ALDH9A1: variants seen among roughly 807,000 people sequenced by gnomAD.
ALDH9A1 encodes 4-trimethylaminobutyraldehyde dehydrogenase.
A neutral mutation model predicts 56.6 loss-of-function variants in ALDH9A1; 42 were observed. That is an observed-to-expected ratio of 0.74 (90% CI 0.58 to 0.96). The LOEUF (loss-of-function observed/expected upper bound fraction) is 0.96, where lower values mean the gene tolerates loss of function less well. ALDH9A1 is among the 40% of genes least tolerant of loss of function. The probability of loss-of-function intolerance (pLI) is 0.00; values close to 1 mark genes in which losing one functional copy is unlikely to be tolerated. For synonymous variants in ALDH9A1, 242 were observed against 236.0 expected, an observed-to-expected ratio of 1.03 and a Z score of -0.23; for missense variants, 661 against 651.5, an observed-to-expected ratio of 1.01 and a Z score of -0.16.
intron 6 of ALDH9A1, 152 bp downstream of exon 6, chr1:165,679,290 A>T: frequency 1.3e-6 from 1 of 796,480 alleles, no homozygotes; most frequent in Non-Finnish European, 1.9e-6. Flanking sequence ...ATATTTGAGA[A>T]ATCTGGTTCA....
At chr1:165,664,467 A>T (rs535358591) in intron 10 of ALDH9A1, among the ~76,000 whole-genome samples, 1 of 152,358 alleles carries the variant, frequency 6.6e-6, no homozygotes, top group South Asian at 2.1e-4. Flanking sequence ...AAAATGAATG[A>T]AATGAATGAG....
chr1:165,688,781 G>A (rs1181759766), intron 2 of ALDH9A1, among the ~76,000 whole-genome samples: 1 of 152,200 alleles, frequency 6.6e-6, no homozygotes, highest in African/African-American at 2.4e-5. Flanking sequence ...TAATATGATT[G>A]TAGGTGTGGT....
At chr1:165,663,734 G>A (rs1648914637) in intron 10 of ALDH9A1, among the ~76,000 whole-genome samples, 1 of 152,222 alleles carries the variant, frequency 6.6e-6, no homozygotes, top group Non-Finnish European at 1.5e-5. Flanking sequence ...GGTAGGCTCT[G>A]CCTTCCAAGG....
In ALDH9A1 at chr1:165,664,636, T is replaced by A. The variant is rs1018908565; in HGVS notation, c.1462+382A>T. 3.9e-5 allele frequency among the ~76,000 whole-genome samples: 6 copies of A among 152,330 alleles called. No homozygotes were observed. In the South Asian group the frequency reaches 1.0e-3, roughly 26 times the overall value. On this transcript the variant is annotated intron_variant, in intron 10 of 10. Coordinates refer to ENST00000354775, the MANE Select transcript of ALDH9A1 (RefSeq NM_000696.4). Reference sequence around the variant, plus strand: ...TGAAAGACACTTTACCTAAATGGAATCTAAAAACTCCACAGTGGATGATGA... The same window carrying A: ...TGAAAGACACTTTACCTAAATGGAAACTAAAAACTCCACAGTGGATGATGA...
rs1485837618 is a variant in ALDH9A1, at chr1:165,695,410, G to A, written c.182-13C>T. On this transcript the variant is annotated splice_polypyrimidine_tract_variant and intron_variant, in intron 1 of 10. Transcript: ENST00000354775. ...GCTATCACTCGGCCTATAAAGAGCG[G>A]AAACATCAGTTTTAACTCAAATTGT... 7.6e-6 allele frequency: 12 copies of A among 1,578,442 alleles called. No individual in the cohort carries two copies. The highest frequency in any genetic ancestry group is 1.0e-5 in the Non-Finnish European group (12 of 1,166,174).
intron 6 of ALDH9A1, chr1:165,676,756 G>A (rs566048056): frequency 1.2e-5 from 6 of 501,006 alleles, no homozygotes; most frequent in South Asian, 9.8e-5. Flanking sequence ...TGAGCTGCTG[G>A]AACCTATTCC....
chr1:165,676,792 T>G (rs536807418), intron 6 of ALDH9A1: 93 of 462,544 alleles, frequency 2.0e-4, no homozygotes, highest in South Asian at 1.7e-3. Flanking sequence ...ATGATAGGTA[T>G]AAAAAAATAA....
intron 6 of ALDH9A1, among the ~76,000 whole-genome samples, chr1:165,677,836 C>T (rs12084651): frequency 0.36 from 49,075 of 135,280 alleles, 9,669 homozygotes; most frequent in Middle Eastern, 0.52. Context: ...CCAGCCTGGG[C>T]GACAGAGCAA....
chr1:165,672,373 G>T (rs1193126687), intron 6 of ALDH9A1, among the ~76,000 whole-genome samples: 2 of 152,140 alleles, frequency 1.3e-5, no homozygotes, highest in Non-Finnish European at 2.9e-5. Flanking sequence ...GGATGAACCT[G>T]AAGATATTAT....
At position 165,667,428 on chromosome 1, in the gene ALDH9A1, G is replaced by A; in HGVS notation, c.1230C>T (p.Thr410=). Residue 410 remains threonine, a synonymous_variant, in exon 9 of 11, where the codon ACC becomes ACT. Coordinates refer to ENST00000354775, the MANE Select transcript of ALDH9A1 (RefSeq NM_000696.4). The part of the protein sequence containing the change: ...CVLTNCRDDM[T]CVKEEIFGPV... ...GCCCAAAGATCTCTTCCTTCACACA[G>A]GTCATGTCGTCTCTGCAATTAGCTG... 1 of 1,613,944 alleles carries A rather than the reference G, an allele frequency of 6.2e-7. No individual in the cohort carries two copies. The highest frequency in any genetic ancestry group is 8.5e-7 in the Non-Finnish European group (1 of 1,179,944).
intron 9 of ALDH9A1, chr1:165,665,341 C>A (rs1648975484): frequency 4.0e-6 from 2 of 506,278 alleles, no homozygotes; most frequent in Non-Finnish European, 7.1e-6. Context: ...TAAGTAACAG[C>A]AATAAGGGTA....
At chr1:165,679,403 G>A in intron 6 of ALDH9A1, 39 bp downstream of exon 6, 1 of 1,607,522 alleles carries the variant, frequency 6.2e-7, no homozygotes, top group Non-Finnish European at 8.5e-7. Flanking sequence ...TGAGGGGGTA[G>A]AGATTCCTTT....
rs569326061 is a variant in ALDH9A1 at position 165,669,123 on chromosome 1, A to C, written c.1120-110T>G. The C allele has an allele frequency of 3.1e-4, 404 of 1,316,620 alleles. 1 individual carries two copies. The African/African-American group carries it at 5.5e-3, about 18-fold the overall frequency. The allele number at this position is 1,316,620 out of a possible 1,614,324, so 81.6% of individuals were successfully genotyped here. ...CACATAGTCTTCCCAGTGCAGGTAC[A>C]AAGCAGAACACAGCCAGGGATGCTA... is the stretch of plus-strand genomic sequence containing the variant. On this transcript the variant is annotated intron_variant, in intron 7 of 10. Coordinates refer to ENST00000354775, the MANE Select transcript of ALDH9A1 (RefSeq NM_000696.4).
At chr1:165,673,036 A>G (rs17450889) in intron 6 of ALDH9A1, among the ~76,000 whole-genome samples, 57,874 of 143,684 alleles carry the variant, frequency 0.4, 12,264 homozygotes, top group Middle Eastern at 0.5. Flanking sequence ...TAAATTTTAC[A>G]TTAGGCTTTA....
rs774846915 is a variant in ALDH9A1, at chr1:165,698,486, T to C, written c.73A>G (p.Met25Val). 1.9e-6 allele frequency: 3 copies of C among 1,608,726 alleles called. No individual in the cohort carries two copies. Among genetic ancestry groups the C allele is most frequent in the East Asian group, 2.2e-5 (1 of 44,510 alleles). The change falls in exon 1 of 11, where the codon ATG becomes GTG. Residue 25 changes from methionine (M) to valine (V), a missense_variant. Met to Val is a conservative substitution (Grantham distance 21, BLOSUM62 1). Transcript: ENST00000354775. Reference protein sequence around the residue: ...RSLRPSPVAAMSTGTFVVSQP... With the variant: ...RSLRPSPVAAVSTGTFVVSQP... ...GACACGACGAAGGTGCCAGTGCTCA[T>C]GGCGGCGACAGGAGAGGGCCGAAGA...
intron 6 of ALDH9A1, among the ~76,000 whole-genome samples, chr1:165,669,672 AAGTT>A (rs2101736790): frequency 6.6e-6 from 1 of 152,242 alleles, no homozygotes; most frequent in Admixed American, 6.5e-5. Context: ...TTTGAGGTAA[AAGTT>A]AGTTCTTATT....
chr1:165,670,125 T>C (rs1242569535), intron 6 of ALDH9A1, among the ~76,000 whole-genome samples: 3 of 152,050 alleles, frequency 2.0e-5, no homozygotes, highest in South Asian at 2.1e-4. Context: ...TCCAAATGTA[T>C]CAGGAATCAA....
Position 165,698,560 on chromosome 1 carries a change from A to AGTGGCGGACGCAGCTCC in ALDH9A1, c.-3_-2insGGAGCTGCGTCCGCCAC. ...GGCCAGGCCTGCTCGGAGAAACATGAGTGGCGGACGCAGCTCCGCGGCAGA... is the reference window on the plus strand; with the variant it reads ...GGCCAGGCCTGCTCGGAGAAACATGAGTGGCGGACGCAGCTCCGTGGCGGACGCAGCTCCGCGGCAGA... On this transcript the variant is annotated 5_prime_UTR_variant, in exon 1 of 11. Transcript: ENST00000354775. 2 of 1,598,950 alleles carry AGTGGCGGACGCAGCTCC rather than the reference A, an allele frequency of 1.3e-6. No homozygotes were observed. The highest frequency in any genetic ancestry group is 1.7e-6 in the Non-Finnish European group (2 of 1,175,308).
chr1:165,677,521 G>T (rs7534437), intron 6 of ALDH9A1, among the ~76,000 whole-genome samples: 2 of 151,830 alleles, frequency 1.3e-5, no homozygotes, highest in Non-Finnish European at 2.9e-5. Context: ...AAAAGGTCAC[G>T]GAAAGGGATT....
Sources: allele counts gnomAD v4.1 joint callset (sites outside exome capture counted in the v4.1 genomes callset), GRCh38; gene constraint gnomAD v4.1.1; transcripts MANE v1.5; gene names NCBI Gene and HGNC (gene_info 2026-07-23, HGNC 2026-07-21).